The following HIP1 variants were observed in gnomAD, a reference collection of about 807,000 sequenced individuals.
The protein encoded by HIP1 is huntingtin-interacting protein 1.
Under a neutral mutation model 147.6 loss-of-function variants are expected in HIP1, and 65 were observed. That is an observed-to-expected ratio of 0.44 (90% CI 0.36 to 0.54). The LOEUF (loss-of-function observed/expected upper bound fraction) is 0.54, where lower values mean the gene tolerates loss of function less well. Ranked by LOEUF, HIP1 falls within the 20% of genes least tolerant of loss-of-function variation. HIP1 has a pLI of 0.00. For missense variants in HIP1, 1,061 were observed against 1,299.6 expected (o/e 0.82, Z 2.82); for synonymous variants, 479 against 504.0 (o/e 0.95, Z 0.67).
chr7:75,612,616 C>G (rs1444270283), intron 1 of HIP1, among the ~76,000 whole-genome samples: 1 of 152,004 alleles, frequency 6.6e-6, no homozygotes, highest in Non-Finnish European at 1.5e-5. Flanking sequence ...CAAGACCAGC[C>G]TGACCAACAT....
At chr7:75,673,560 T>C in intron 1 of HIP1, among the ~76,000 whole-genome samples, 1 of 152,154 alleles carries the variant, frequency 6.6e-6, no homozygotes, top group Non-Finnish European at 1.5e-5. Context: ...TCCAACAATA[T>C]TTCGTAGTTC....
chr7:75,609,415 G>A (rs587750030), intron 1 of HIP1, among the ~76,000 whole-genome samples: 19 of 152,182 alleles, frequency 1.2e-4, no homozygotes, highest in African/African-American at 4.3e-4. Flanking sequence ...TCCCTGCGAG[G>A]ACCAGTTTCC....
intron 8 of HIP1, among the ~76,000 whole-genome samples, chr7:75,570,502 AG>A (rs1795585103): frequency 6.7e-6 from 1 of 150,222 alleles, no homozygotes; most frequent in Non-Finnish European, 1.5e-5. Context: ...CATGTTGGCC[AG>A]GATGGTCTCG....
chr7:75,722,964 T>C (rs1198212296), intron 1 of HIP1, among the ~76,000 whole-genome samples: 1 of 152,192 alleles, frequency 6.6e-6, no homozygotes, highest in Non-Finnish European at 1.5e-5. Flanking sequence ...CAAGTATTCC[T>C]GTAGGTCTGA....
chr7:75,617,565 C>T (rs1310124485), intron 1 of HIP1, among the ~76,000 whole-genome samples: 2 of 152,130 alleles, frequency 1.3e-5, no homozygotes, highest in East Asian at 1.9e-4. Context: ...TCCTTTTCCC[C>T]GTATGCCAGC....
intron 2 of HIP1, among the ~76,000 whole-genome samples, chr7:75,595,187 C>T (rs184665265): frequency 7.4e-5 from 8 of 108,474 alleles, no homozygotes; most frequent in Non-Finnish European, 8.0e-5. Context: ...GTGTAGGAGT[C>T]CTTTCTTTCT....
intron 1 of HIP1, among the ~76,000 whole-genome samples, chr7:75,623,519 TG>T (rs1797930418): frequency 6.6e-6 from 1 of 151,980 alleles, no homozygotes; most frequent in Admixed American, 6.6e-5. Flanking sequence ...GGCAGACATG[TG>T]GGTGAGGGCA....
chr7:75,592,173 G>T, intron 3 of HIP1, 61 bp from the exon 4 acceptor site: 1 of 1,532,060 alleles, frequency 6.5e-7, no homozygotes. Context: ...CAAAGGGAAG[G>T]AGGATGGAGA....
At chr7:75,545,241 G>A in intron 25 of HIP1, 53 bp from the exon 26 acceptor site, 1 of 1,028,714 alleles carries the variant, frequency 9.7e-7, no homozygotes, top group South Asian at 1.3e-5. Context: ...TGTACTATAT[G>A]GCAGGTGCTT....
intron 29 of HIP1, among the ~76,000 whole-genome samples, 164 bp from the exon 30 acceptor site, chr7:75,539,595 C>T (rs1201512500): frequency 3.3e-5 from 5 of 152,190 alleles, no homozygotes; most frequent in African/African-American, 1.2e-4. Flanking sequence ...GCTGAGATTA[C>T]AGGCATGAAA....
chr7:75,556,168 G>A lies in HIP1; in HGVS notation c.1685C>T (p.Ser562Leu). ...GAACTCGGCTGCCCAGTTTGCTTCT[G>A]ACTGCAAAGGTGACCACAAGGAAAG... ...LQGSLETSAQ[S>L]EANWAAEFAE... Residue 562 changes from serine to leucine, a missense_variant and splice_region_variant, in exon 18 of 31, where the codon TCA becomes TTA. This residue lies in a region of HIP1 where 810 missense variants were observed against 946.8 expected (regional missense o/e 0.86). Transcript: ENST00000336926. 2 of 1,613,856 alleles carry A rather than the reference G, an allele frequency of 1.2e-6. No homozygotes were observed. Among genetic ancestry groups the A allele is most frequent in the Non-Finnish European group, 1.7e-6 (2 of 1,179,938 alleles).
intron 1 of HIP1, among the ~76,000 whole-genome samples, chr7:75,616,231 C>A (rs1554505989): frequency 6.6e-6 from 1 of 151,988 alleles, no homozygotes; most frequent in Non-Finnish European, 1.5e-5. Flanking sequence ...CCAAACCTGG[C>A]CTCAGCCTGC....
intron 2 of HIP1, 75 bp from the exon 3 acceptor site, chr7:75,592,589 T>G (rs1554501054): frequency 6.8e-7 from 1 of 1,460,178 alleles, no homozygotes; most frequent in East Asian, 2.3e-5. Flanking sequence ...ACCCAGCCAC[T>G]GCAGGGGACT....
chr7:75,643,953 TC>T (rs1798726387), intron 1 of HIP1, among the ~76,000 whole-genome samples: 1 of 152,064 alleles, frequency 6.6e-6, no homozygotes, highest in Non-Finnish European at 1.5e-5. Context: ...TGAGCCAAGA[TC>T]CCGCTGCTGC....
chr7:75,641,176 C>T (rs1356721822), intron 1 of HIP1, among the ~76,000 whole-genome samples: 1 of 151,862 alleles, frequency 6.6e-6, no homozygotes, highest in Admixed American at 6.6e-5. Context: ...CATGATGGCG[C>T]ACACCTGCAA....
intron 1 of HIP1, among the ~76,000 whole-genome samples, chr7:75,703,789 C>T (rs1800910557): frequency 6.6e-6 from 1 of 152,178 alleles, no homozygotes; most frequent in African/African-American, 2.4e-5. Context: ...CTACTAAAAA[C>T]CTTCCAGTGG....
intron 1 of HIP1, among the ~76,000 whole-genome samples, chr7:75,724,964 A>G (rs981209424): frequency 1.3e-5 from 2 of 152,218 alleles, no homozygotes; most frequent in East Asian, 3.9e-4. Flanking sequence ...GGATGCATCA[A>G]CAGGGTAAGG....
chr7:75,602,566 G>A (rs1448169795), intron 1 of HIP1, among the ~76,000 whole-genome samples: 1 of 136,548 alleles, frequency 7.3e-6, no homozygotes, highest in African/African-American at 2.8e-5. Flanking sequence ...GCAGTGGCGT[G>A]ACCTCGGCTC....
In HIP1 at chr7:75,664,030, ATATATATACACATATATG is replaced by A. The variant is rs1799428029; in HGVS notation, c.121-64801_121-64784del. Among the ~76,000 whole-genome samples the A allele has an allele frequency of 2.3e-4, 2 of 8,720 alleles. 1 individual carries two copies. The highest frequency in any genetic ancestry group is 9.0e-3 in the East Asian group (2 of 222). The allele number at this position is 8,720 out of a possible 152,430, so 5.7% of individuals were successfully genotyped here. A position where few individuals can be genotyped will look rare whatever the true frequency, so the allele number is the denominator to read the frequency against. ...TGTATATATATACACATATATGTGT[ATATATATACACATATATG>A]TGTATATACACATATATGTGTATAT... On this transcript the variant is annotated intron_variant, in intron 1 of 30. Coordinates refer to ENST00000336926, the MANE Select transcript of HIP1 (RefSeq NM_005338.7).
Sources: allele counts gnomAD v4.1 joint callset (sites outside exome capture counted in the v4.1 genomes callset), GRCh38; gene constraint gnomAD v4.1.1; regional missense constraint gnomAD v4.1.1; transcripts MANE v1.5; gene names NCBI Gene and HGNC (gene_info 2026-07-23, HGNC 2026-07-21).